Variants in SRPRB observed in about 807,000 individuals in gnomAD.
SRPRB encodes signal recognition particle receptor subunit beta.
A neutral mutation model predicts 31.9 loss-of-function variants in SRPRB; 20 were observed. That is an observed-to-expected ratio of 0.63 (90% CI 0.44 to 0.91). The LOEUF (loss-of-function observed/expected upper bound fraction) is 0.91, where lower values mean the gene tolerates loss of function less well. Ranked by LOEUF, SRPRB falls within the 40% of genes least tolerant of loss-of-function variation. The pLI is 0.00. For synonymous variants in SRPRB, 146 were observed against 132.8 expected, an observed-to-expected ratio of 1.10 and a Z score of -0.68; for missense variants, 321 against 324.9, an observed-to-expected ratio of 0.99 and a Z score of 0.09.
intron 1 of SRPRB, among the ~76,000 whole-genome samples, chr3:133,800,763 G>A (rs1935049240): frequency 6.6e-6 from 1 of 152,174 alleles, no homozygotes; most frequent in African/African-American, 2.4e-5. Flanking sequence ...GGAGCCTGGG[G>A]CACAGCAATG....
chr3:133,800,507 C>T (rs530755665), intron 1 of SRPRB, among the ~76,000 whole-genome samples: 7 of 152,294 alleles, frequency 4.6e-5, no homozygotes, highest in African/African-American at 1.2e-4. Flanking sequence ...CCCAAGCTGC[C>T]TGGCCAGATG....
chr3:133,811,117 G>A lies in SRPRB; in HGVS notation c.328G>A (p.Gly110Ser). ...TTAATGTTATTGCTGCCATCCCCAGGGCAATAGTCTGACCTTGATTGACCT... is the reference window on the plus strand; with the variant it reads ...TTAATGTTATTGCTGCCATCCCCAGAGCAATAGTCTGACCTTGATTGACCT... ...CAVYRVNNNRGNSLTLIDLPG... is the reference protein window; with the variant it reads ...CAVYRVNNNRSNSLTLIDLPG... Residue 110 changes from glycine to serine, a missense_variant and splice_region_variant, in exon 4 of 7, where the codon GGC (glycine) becomes AGC (serine). Physicochemically the swap from Gly to Ser is moderately conservative, Grantham distance 56 (BLOSUM62 0). Coordinates refer to ENST00000678299, the MANE Select transcript of SRPRB (RefSeq NM_001379313.1). The A allele has an allele frequency of 6.2e-7, 1 of 1,614,054 alleles. No homozygotes were observed. The highest frequency in any genetic ancestry group is 8.5e-7 in the Non-Finnish European group (1 of 1,179,980).
downstream of SRPRB, chr3:133,828,015 C>T: frequency 1.4e-6 from 1 of 702,696 alleles, no homozygotes; most frequent in Non-Finnish European, 2.6e-6. Context: ...CTTGCTCTGC[C>T]AGTCCCTGAG....
chr3:133,791,678 G>A (rs986617697), intron 1 of SRPRB: 1 of 152,160 alleles, frequency 6.6e-6, no homozygotes, highest in Non-Finnish European at 1.5e-5. Flanking sequence ...TAGACCTGCT[G>A]TTCAAGACAC....
At chr3:133,828,136 G>C, downstream of SRPRB, 1 of 619,876 alleles carries the variant, frequency 1.6e-6, no homozygotes, top group Admixed American at 2.5e-5. Context: ...GGGCTGCCTA[G>C]AGCCCACAGA....
intron 4 of SRPRB, among the ~76,000 whole-genome samples, chr3:133,813,871 C>G (rs2107972992): frequency 6.6e-6 from 1 of 152,366 alleles, no homozygotes; most frequent in East Asian, 1.9e-4. Context: ...TTCAATAAGT[C>G]TGGCCCAATT....
downstream of SRPRB, among the ~76,000 whole-genome samples, chr3:133,822,187 A>G (rs968359598): frequency 2.0e-5 from 3 of 152,076 alleles, no homozygotes; most frequent in South Asian, 6.2e-4. Context: ...GCACGACTGT[A>G]TGACATAGAT....
chr3:133,826,863 A>G (rs995974515), downstream of SRPRB: 1 of 152,720 alleles, frequency 6.5e-6, no homozygotes, highest in South Asian at 2.1e-4. Flanking sequence ...CAGGAGAAAC[A>G]AGAATATACA....
At chr3:133,809,410 C>T (rs1935220441) in intron 3 of SRPRB, among the ~76,000 whole-genome samples, 1 of 152,042 alleles carries the variant, frequency 6.6e-6, no homozygotes, top group Non-Finnish European at 1.5e-5. Flanking sequence ...TCTTCTTTCC[C>T]CTTTCTCATG....
intron 1 of SRPRB, among the ~76,000 whole-genome samples, chr3:133,799,092 G>C (rs887629325): frequency 6.6e-6 from 1 of 152,146 alleles, no homozygotes; most frequent in Non-Finnish European, 1.5e-5. Context: ...GAAAGGAATA[G>C]AGAAAACAGT....
intron 1 of SRPRB, chr3:133,795,698 C>G (rs1934949850): frequency 6.6e-6 from 1 of 151,660 alleles, no homozygotes; most frequent in Non-Finnish European, 1.5e-5. Flanking sequence ...GTCTCAGCCT[C>G]CCGAGTAGCT....
upstream of SRPRB, among the ~76,000 whole-genome samples, chr3:133,802,361 T>C (rs573955418): frequency 3.3e-5 from 5 of 152,236 alleles, no homozygotes; most frequent in South Asian, 1.0e-3. Context: ...GTGAGCCCTA[T>C]TGTCACTGCA....
intron 6 of SRPRB, among the ~76,000 whole-genome samples, chr3:133,817,578 T>G (rs1935388568): frequency 6.6e-6 from 1 of 152,214 alleles, no homozygotes; most frequent in South Asian, 2.1e-4. Flanking sequence ...TTCTGCGTTA[T>G]GCCAATTTGT....
At chr3:133,826,723 A>G (rs1271269693), downstream of SRPRB, 1 of 152,628 alleles carries the variant, frequency 6.6e-6, no homozygotes, top group Admixed American at 6.5e-5. Context: ...GTTTAACACA[A>G]CTATGCATTA....
chr3:133,808,889 C>CA (rs200185544), intron 3 of SRPRB, among the ~76,000 whole-genome samples: 18,281 of 87,968 alleles, frequency 0.21, 1,809 homozygotes, highest in East Asian at 0.53. Flanking sequence ...GACTAAGTCT[C>CA]AAAAAAAAAA....
intron 4 of SRPRB, among the ~76,000 whole-genome samples, chr3:133,813,429 G>GT (rs1206812656): frequency 6.6e-6 from 1 of 152,030 alleles, no homozygotes; most frequent in Admixed American, 6.6e-5. Context: ...TTCGCATATT[G>GT]TAAGATTCCC....
chr3:133,806,079 G>A (rs993135265), intron 1 of SRPRB, 77 bp downstream of exon 1: 22 of 1,546,436 alleles, frequency 1.4e-5, no homozygotes, highest in Middle Eastern at 2.0e-4. Context: ...TGCAGGCCGG[G>A]GACGCGGGGC....
downstream of SRPRB, chr3:133,827,989 G>A (rs1323600567): frequency 8.5e-6 from 6 of 702,708 alleles, no homozygotes; most frequent in East Asian, 2.7e-5. Flanking sequence ...ACAGCACCTC[G>A]TCCTTCTGAT....
chr3:133,788,042 A>C (rs1165707958), intron 1 of SRPRB: 1 of 152,228 alleles, frequency 6.6e-6, no homozygotes, highest in Admixed American at 6.5e-5. Context: ...ATTCCTATTT[A>C]GAAGACAGTT....
Sources: allele counts gnomAD v4.1 joint callset (sites outside exome capture counted in the v4.1 genomes callset), GRCh38; gene constraint gnomAD v4.1.1; transcripts MANE v1.5; gene names NCBI Gene and HGNC (gene_info 2026-07-23, HGNC 2026-07-21).